Variants in DACH1 observed in about 807,000 individuals in gnomAD.
The protein encoded by DACH1 is dachshund family transcription factor 1.
A neutral mutation model predicts 54.2 loss-of-function variants in DACH1; 12 were observed. That is an observed-to-expected ratio of 0.22 (90% CI 0.14 to 0.36). The LOEUF is 0.36. Among genes scored for constraint, DACH1 ranks in the 10% least tolerant of loss-of-function variants. The pLI is 1.00. For synonymous variants in DACH1, 386 were observed against 366.2 expected (o/e 1.05, Z -0.62); for missense variants, 805 against 929.8 (o/e 0.87, Z 1.75).
chr13:71,658,915 C>T (rs955859142), intron 2 of DACH1, among the ~76,000 whole-genome samples: 3 of 152,090 alleles, frequency 2.0e-5, no homozygotes, highest in South Asian at 2.1e-4. Context: ...AAATTCAGAA[C>T]ATATTTCTTC....
At chr13:71,544,946 G>A (rs1883362851) in intron 6 of DACH1, among the ~76,000 whole-genome samples, 1 of 151,954 alleles carries the variant, frequency 6.6e-6, no homozygotes. Flanking sequence ...TGACAGCCTG[G>A]CTTCTACTAA....
intron 1 of DACH1, among the ~76,000 whole-genome samples, chr13:71,759,782 AC>A (rs1885324279): frequency 6.6e-6 from 1 of 152,094 alleles, no homozygotes; most frequent in South Asian, 2.1e-4. Flanking sequence ...TTCCCAGATC[AC>A]CCAAGGCTAC....
intron 1 of DACH1, among the ~76,000 whole-genome samples, chr13:71,692,506 C>CTTTTTTTTTTTTTTTTTTTTTT (rs398023338): frequency 4.5e-5 from 2 of 44,440 alleles, no homozygotes; most frequent in African/African-American, 1.2e-4. Context: ...CTTTTCTTTC[C>CTTTTTTTTTTTTTTTTTTTTTT]TTTTTTTTTT....
chr13:71,588,554 A>G (rs1347190703), intron 3 of DACH1, among the ~76,000 whole-genome samples: 1 of 152,098 alleles, frequency 6.6e-6, no homozygotes, highest in Non-Finnish European at 1.5e-5. Flanking sequence ...CATTCACATA[A>G]GAATATCATA....
chr13:71,520,513 G>T (rs891620780), intron 6 of DACH1, among the ~76,000 whole-genome samples: 2 of 149,964 alleles, frequency 1.3e-5, no homozygotes, highest in East Asian at 3.9e-4. Flanking sequence ...AAGTTAATAA[G>T]GATCCAGGAA....
intron 1 of DACH1, chr13:71,846,143 C>A (rs1873235953): frequency 5.2e-6 from 1 of 191,664 alleles, no homozygotes; most frequent in Non-Finnish European, 1.2e-5. Context: ...GTACACAAAG[C>A]GAGAACAGCA....
At chr13:71,720,580 T>G (rs1358992264) in intron 1 of DACH1, among the ~76,000 whole-genome samples, 2 of 152,146 alleles carry the variant, frequency 1.3e-5, no homozygotes, top group Non-Finnish European at 2.9e-5. Context: ...GTGTTTAAAT[T>G]TTCAGATTCT....
chr13:71,641,947 T>C (rs1787154875), intron 2 of DACH1, among the ~76,000 whole-genome samples: 1 of 152,188 alleles, frequency 6.6e-6, no homozygotes, highest in African/African-American at 2.4e-5. Flanking sequence ...ATTACCAATG[T>C]GCAGTATTAT....
chr13:71,453,463 T>C (rs1875262220), intron 10 of DACH1, among the ~76,000 whole-genome samples: 1 of 152,074 alleles, frequency 6.6e-6, no homozygotes, highest in Non-Finnish European at 1.5e-5. Flanking sequence ...CAAAATCCTG[T>C]GAATAAATTG....
intron 1 of DACH1, among the ~76,000 whole-genome samples, chr13:71,737,336 T>G (rs1884182085): frequency 6.6e-6 from 1 of 152,094 alleles, no homozygotes; most frequent in East Asian, 1.9e-4. Flanking sequence ...TTGAGGGAAC[T>G]CTGGAACACA....
chr13:71,648,616 G>C lies in DACH1; in HGVS notation c.965-17899C>G, dbSNP rs116531998. Among the ~76,000 whole-genome samples the C allele has an allele frequency of 2.5e-3, 384 of 152,266 alleles. 4 individuals are homozygous for C. Among genetic ancestry groups the C allele is most frequent in the African/African-American group, 9.0e-3 (372 of 41,544 alleles). On this transcript the variant is annotated intron_variant, in intron 2 of 10. Transcript: ENST00000613252. ...AAAGAATATGGGTTTTGAAGACTAA[G>C]AGCTGTGTTCCAATCCCCTCTCAGT...
intron 1 of DACH1, among the ~76,000 whole-genome samples, chr13:71,812,657 T>A (rs375638681): frequency 4.6e-5 from 7 of 152,208 alleles, no homozygotes; most frequent in African/African-American, 1.7e-4. Flanking sequence ...TTAATATGTA[T>A]GTCCAATCAA....
intron 6 of DACH1, among the ~76,000 whole-genome samples, chr13:71,552,081 C>G (rs996527616): frequency 2.6e-5 from 4 of 151,940 alleles, no homozygotes; most frequent in Non-Finnish European, 2.9e-5. Context: ...AGAAAGTTTT[C>G]TTATTTCTTA....
At chr13:71,783,239 T>C (rs2138072254) in intron 1 of DACH1, among the ~76,000 whole-genome samples, 1 of 152,188 alleles carries the variant, frequency 6.6e-6, no homozygotes, top group African/African-American at 2.4e-5. Context: ...GATGCCTTCA[T>C]AAAACAATAA....
Position 71,723,799 on chromosome 13 carries a change from G to A in DACH1, c.849-41889C>T, listed in dbSNP as rs557842128. On this transcript the variant is annotated intron_variant, in intron 1 of 10. Coordinates refer to ENST00000613252, the MANE Select transcript of DACH1 (RefSeq NM_080759.6). ...TCTGCCTTCTGGGCTCTAGTGATCC[G>A]CCCACCTCAGCCTCTTGAGTAGCTT... is the stretch of plus-strand genomic sequence containing the variant. Among the ~76,000 whole-genome samples, 5 of 152,004 alleles carry A rather than the reference G, an allele frequency of 3.3e-5. No homozygotes were observed. In the East Asian group the frequency reaches 5.8e-4, roughly 18 times the overall value.
At chr13:71,800,075 G>C (rs182181025) in intron 1 of DACH1, among the ~76,000 whole-genome samples, 1 of 151,914 alleles carries the variant, frequency 6.6e-6, no homozygotes, top group Non-Finnish European at 1.5e-5. Context: ...TGGCCTTTCC[G>C]CTGACACACA....
intron 2 of DACH1, among the ~76,000 whole-genome samples, chr13:71,663,216 TGGA>T (rs772873389): frequency 2.0e-5 from 3 of 150,664 alleles, no homozygotes; most frequent in Admixed American, 6.6e-5. Context: ...CAAAAGTAGA[TGGA>T]GGAGTTAAAC....
chr13:71,864,488 C>A (rs912091276), intron 1 of DACH1, among the ~76,000 whole-genome samples: 1 of 152,278 alleles, frequency 6.6e-6, no homozygotes, highest in African/African-American at 2.4e-5. Flanking sequence ...CCTATCTCTG[C>A]GGGAGCACAC....
At chr13:71,664,793 C>A (rs180735840) in intron 2 of DACH1, among the ~76,000 whole-genome samples, 1 of 151,922 alleles carries the variant, frequency 6.6e-6, no homozygotes, top group Non-Finnish European at 1.5e-5. Context: ...TAATAACATA[C>A]AAATTGAATA....
Sources: gnomAD v4.1 joint callset for allele counts (sites outside exome capture counted in the v4.1 genomes callset) on GRCh38, gnomAD v4.1.1 for gene constraint, MANE v1.5 for transcripts, NCBI Gene and HGNC (gene_info 2026-07-23, HGNC 2026-07-21) for gene names.